CSMD3: variants seen among roughly 807,000 people sequenced by gnomAD.
CSMD3 encodes CUB and Sushi multiple domains 3.
CSMD3 carries 177 observed loss-of-function variants against 435.2 expected under a neutral mutation model. The observed-to-expected ratio is 0.41, with a 90% confidence interval of 0.36 to 0.46. The LOEUF (loss-of-function observed/expected upper bound fraction) is 0.46, where lower values mean the gene tolerates loss of function less well. CSMD3 is among the 20% of genes least tolerant of loss of function. The pLI is 0.34. For synonymous variants in CSMD3, 1,656 were observed against 1,520.5 expected (o/e 1.09, Z -2.07); for missense variants, 4,265 against 4,504.6 (o/e 0.95, Z 1.52).
chr8:113,276,636 C>A (rs1012572761), intron 3 of CSMD3, among the ~76,000 whole-genome samples: 1 of 152,008 alleles, frequency 6.6e-6, no homozygotes, highest in Non-Finnish European at 1.5e-5. Flanking sequence ...TTATTTTAGC[C>A]TTGTGGGACT....
intron 13 of CSMD3, among the ~76,000 whole-genome samples, chr8:112,720,036 C>T (rs1346275393): frequency 2.0e-5 from 3 of 152,122 alleles, no homozygotes; most frequent in African/African-American, 2.4e-5. Flanking sequence ...GCGTGGTCAT[C>T]GGGTTTCTCT....
chr8:112,896,273 A>G (rs1347013479), intron 10 of CSMD3, among the ~76,000 whole-genome samples: 1 of 151,242 alleles, frequency 6.6e-6, no homozygotes, highest in Non-Finnish European at 1.5e-5. Flanking sequence ...GCCAGCATCA[A>G]CTCCAGGCCT....
intron 10 of CSMD3, among the ~76,000 whole-genome samples, chr8:112,880,287 C>T (rs555020300): frequency 6.6e-6 from 1 of 152,002 alleles, no homozygotes; most frequent in Non-Finnish European, 1.5e-5. Flanking sequence ...CAACACTAAA[C>T]ATTGACTTAG....
chr8:112,483,334 T>C (rs1184057686), intron 31 of CSMD3, among the ~76,000 whole-genome samples: 17 of 151,850 alleles, frequency 1.1e-4, no homozygotes, highest in Non-Finnish European at 2.9e-5. Flanking sequence ...CTACTAAAAA[T>C]ACAAAAAAAT....
At chr8:112,536,811 C>T (rs1826140002) in intron 27 of CSMD3, among the ~76,000 whole-genome samples, 1 of 151,670 alleles carries the variant, frequency 6.6e-6, no homozygotes, top group Non-Finnish European at 1.5e-5. Flanking sequence ...AAATGTGGCA[C>T]ATATACACCA....
rs906963107 is a variant in CSMD3, at chr8:113,083,737, G to A, written c.917+15019C>T. Among the ~76,000 whole-genome samples the A allele has an allele frequency of 2.0e-5, 3 of 152,078 alleles. No homozygotes were observed. In the South Asian group the frequency reaches 6.2e-4, roughly 31 times the overall value. On this transcript the variant is annotated intron_variant, in intron 5 of 70. Coordinates refer to ENST00000297405, the MANE Select transcript of CSMD3 (RefSeq NM_198123.2). The stretch of plus-strand genomic sequence containing the variant: ...ACAATTTAAAATTTTCAATTGAAAG[G>A]TAGAGGGAGGATCACTTGAGCCCAG...
intron 6 of CSMD3, among the ~76,000 whole-genome samples, chr8:113,015,368 T>C (rs555440053): frequency 6.6e-6 from 1 of 152,158 alleles, no homozygotes; most frequent in African/African-American, 2.4e-5. Context: ...TATTAATATA[T>C]CTTTATTTCA....
At chr8:112,925,896 G>A (rs1587687130) in intron 9 of CSMD3, among the ~76,000 whole-genome samples, 1 of 152,320 alleles carries the variant, frequency 6.6e-6, no homozygotes, top group Non-Finnish European at 1.5e-5. Context: ...TTAAAATGCA[G>A]ATTTAGAATC....
chr8:112,780,087 A>G (rs2078345251), intron 13 of CSMD3, among the ~76,000 whole-genome samples: 1 of 152,096 alleles, frequency 6.6e-6, no homozygotes, highest in South Asian at 2.1e-4. Flanking sequence ...GGGAAAACAC[A>G]TTCTTTTCAT....
intron 13 of CSMD3, among the ~76,000 whole-genome samples, chr8:112,707,494 T>C (rs1004728467): frequency 7.0e-6 from 1 of 142,700 alleles, no homozygotes; most frequent in Non-Finnish European, 1.5e-5. Flanking sequence ...GGGAGGGGGG[T>C]GGTTCCTAGA....
chr8:112,466,533 C>T (rs1817973644), intron 32 of CSMD3, among the ~76,000 whole-genome samples: 2 of 152,138 alleles, frequency 1.3e-5, no homozygotes, highest in South Asian at 4.1e-4. Context: ...TTCATTAATA[C>T]ATATCCAAGT....
intron 13 of CSMD3, among the ~76,000 whole-genome samples, chr8:112,752,882 C>T (rs1159905036): frequency 1.3e-5 from 2 of 150,122 alleles, no homozygotes; most frequent in East Asian, 3.9e-4. Context: ...TTTCTAAGCC[C>T]TTCAGTATTT....
At chr8:112,307,251 T>C (rs1180084572) in intron 50 of CSMD3, among the ~76,000 whole-genome samples, 1 of 151,960 alleles carries the variant, frequency 6.6e-6, no homozygotes, top group East Asian at 1.9e-4. Context: ...AGCACCCTAG[T>C]AGCTGGGACT....
rs1023540125 is a variant in CSMD3 at position 113,019,674 on chromosome 8, A to G, written c.918-495T>C. Among the ~76,000 whole-genome samples, 18 of 80,786 alleles carry G rather than the reference A, an allele frequency of 2.2e-4. No individual in the cohort carries two copies. In the East Asian group the frequency reaches 0.011, roughly 49 times the overall value. The allele number at this position is 80,786 out of a possible 152,430, so 53.0% of individuals were successfully genotyped here. ...TTGATACAATAAAGTTACAAAATCG[A>G]AAGACCTCATAAATTGATATCCTTA... is the stretch of plus-strand genomic sequence containing the variant. On this transcript the variant is annotated intron_variant, in intron 5 of 70. Transcript: ENST00000297405.
At position 112,574,174 on chromosome 8, in the gene CSMD3, CTAATT is replaced by C. The variant is rs146969861; in HGVS notation, c.3886-522_3886-518del. Among the ~76,000 whole-genome samples, 1,015 of 152,042 alleles carry C rather than the reference CTAATT, an allele frequency of 6.7e-3. 12 individuals are homozygous for C. Among genetic ancestry groups the C allele is most frequent in the African/African-American group, 0.023 (963 of 41,522 alleles). ...AAGGAGGTCTAAATGCTTTTAGAAA[CTAATT>C]TAATAAAGCAAAAATACACAAAAAT... On this transcript the variant is annotated intron_variant, in intron 23 of 70. Transcript: ENST00000297405.
chr8:112,781,693 T>A (rs941596329), intron 13 of CSMD3, among the ~76,000 whole-genome samples: 2 of 152,054 alleles, frequency 1.3e-5, no homozygotes, highest in Non-Finnish European at 2.9e-5. Flanking sequence ...GGAGTACTTG[T>A]GTCATCCCTC....
chr8:112,573,017 T>C (rs1246086379), intron 24 of CSMD3, among the ~76,000 whole-genome samples: 1 of 152,094 alleles, frequency 6.6e-6, no homozygotes, highest in Non-Finnish European at 1.5e-5. Flanking sequence ...TGAGAAAGTA[T>C]TTGTTATAAA....
intron 10 of CSMD3, among the ~76,000 whole-genome samples, chr8:112,913,462 A>G (rs1446263136): frequency 6.6e-6 from 1 of 151,766 alleles, no homozygotes; most frequent in Non-Finnish European, 1.5e-5. Flanking sequence ...AGACCACAAC[A>G]GGTCTGTGCT....
chr8:112,380,322 T>C (rs757466918), intron 38 of CSMD3, 30 bp downstream of exon 38: 1 of 1,197,668 alleles, frequency 8.3e-7, no homozygotes, highest in East Asian at 2.3e-5. Context: ...GTTCTTAACC[T>C]TTTTGAATGG....
Sources: gnomAD v4.1 joint callset for allele counts (sites outside exome capture counted in the v4.1 genomes callset) on GRCh38, gnomAD v4.1.1 for gene constraint, MANE v1.5 for transcripts, NCBI Gene and HGNC (gene_info 2026-07-23, HGNC 2026-07-21) for gene names.